The following MAN1A1 variants were observed in gnomAD, a reference collection of about 807,000 sequenced individuals.
MAN1A1 encodes the protein mannosidase alpha class 1A member 1.
In MAN1A1, 29 loss-of-function variants were observed where a neutral mutation model predicts 70.8. The ratio of observed to expected loss-of-function variants is 0.41; its 90% CI spans 0.31 to 0.56. The LOEUF (loss-of-function observed/expected upper bound fraction) is 0.56, where lower values mean the gene tolerates loss of function less well. MAN1A1 is among the 20% of genes least tolerant of loss of function. The probability of loss-of-function intolerance (pLI) is 0.29; values close to 1 mark genes in which losing one functional copy is unlikely to be tolerated. For missense variants in MAN1A1, 747 were observed against 841.3 expected, an observed-to-expected ratio of 0.89 and a Z score of 1.39; for synonymous variants, 349 against 330.1, an observed-to-expected ratio of 1.06 and a Z score of -0.62.
intron 6 of MAN1A1, among the ~76,000 whole-genome samples, chr6:119,232,351 C>A (rs371892162): frequency 1.5e-5 from 2 of 129,282 alleles, no homozygotes; most frequent in East Asian, 2.5e-4. Flanking sequence ...CCAGCCTGGA[C>A]GACAGAGCGA....
At chr6:119,252,104 G>A (rs1246104939) in intron 5 of MAN1A1, among the ~76,000 whole-genome samples, 2 of 151,874 alleles carry the variant, frequency 1.3e-5, no homozygotes, top group Non-Finnish European at 1.5e-5. Flanking sequence ...CACTAGATAC[G>A]ATCTCAACGA....
chr6:119,333,189 C>A (rs183198252), intron 2 of MAN1A1, among the ~76,000 whole-genome samples: 58 of 152,302 alleles, frequency 3.8e-4, no homozygotes, highest in African/African-American at 1.3e-3. Flanking sequence ...AGCTTTCGAG[C>A]AATTCTATTG....
intron 5 of MAN1A1, among the ~76,000 whole-genome samples, chr6:119,253,365 T>C (rs1391924551): frequency 6.6e-6 from 1 of 152,184 alleles, no homozygotes; most frequent in Admixed American, 6.5e-5. Flanking sequence ...TAGCTGGCAT[T>C]AGTCAACAGA....
intron 6 of MAN1A1, among the ~76,000 whole-genome samples, chr6:119,234,076 GTCAGCAAGTATGCT>G (rs1774769289): frequency 6.6e-6 from 1 of 152,142 alleles, no homozygotes; most frequent in Admixed American, 6.5e-5. Flanking sequence ...ACAAGTGGTT[GTCAGCAAGTATGCT>G]TCCTACCAGA....
chr6:119,272,800 C>T (rs1775960913), intron 5 of MAN1A1, among the ~76,000 whole-genome samples: 1 of 152,134 alleles, frequency 6.6e-6, no homozygotes, highest in African/African-American at 2.4e-5. Context: ...TCTTTTTGAA[C>T]TGCTTTGGAT....
At chr6:119,229,260 G>A (rs1433554767) in intron 6 of MAN1A1, among the ~76,000 whole-genome samples, 2 of 151,148 alleles carry the variant, frequency 1.3e-5, no homozygotes, top group Non-Finnish European at 2.9e-5. Flanking sequence ...ACTAATAATT[G>A]TTTTGGATAA....
chr6:119,338,650 A>C (rs974028937), intron 2 of MAN1A1, among the ~76,000 whole-genome samples: 4 of 152,232 alleles, frequency 2.6e-5, no homozygotes, highest in Admixed American at 1.3e-4. Flanking sequence ...TCATTCCAAA[A>C]GGAGAAAGAT....
rs1341568221 is a variant in MAN1A1, at chr6:119,232,717, GTA to G, written c.992+15541_992+15542del. Among the ~76,000 whole-genome samples, 217 of 129,570 alleles carry G rather than the reference GTA, an allele frequency of 1.7e-3. 2 individuals carry two copies. The highest frequency in any genetic ancestry group is 5.6e-3 in the African/African-American group (162 of 29,138). 85.0% of individuals were successfully genotyped at this position (129,570 alleles called of 152,430 possible). On this transcript the variant is annotated intron_variant, in intron 6 of 12. Transcript: ENST00000368468. Reference sequence around the variant, plus strand: ...TGTGTGTGTGTGTGTGTGTGTGTGTGTATATTTGGAAATCCTTGTAGGCTATA... The same window carrying G: ...TGTGTGTGTGTGTGTGTGTGTGTGTGTATTTGGAAATCCTTGTAGGCTATA...
intron 6 of MAN1A1, among the ~76,000 whole-genome samples, chr6:119,223,056 G>A (rs1049116172): frequency 6.6e-6 from 1 of 152,062 alleles, no homozygotes; most frequent in African/African-American, 2.4e-5. Context: ...AAAAAGGGGG[G>A]AAGGGAAGAA....
At chr6:119,231,496 C>T (rs900223158) in intron 6 of MAN1A1, among the ~76,000 whole-genome samples, 14 of 152,166 alleles carry the variant, frequency 9.2e-5, no homozygotes, top group Admixed American at 5.2e-4. Flanking sequence ...TATAAATTCC[C>T]CAGTCTTGGG....
chr6:119,229,322 C>T (rs967121312), intron 6 of MAN1A1, among the ~76,000 whole-genome samples: 3 of 152,026 alleles, frequency 2.0e-5, no homozygotes, highest in Non-Finnish European at 4.4e-5. Flanking sequence ...AATAAAGCTC[C>T]ATCCCAGAGA....
intron 2 of MAN1A1, among the ~76,000 whole-genome samples, chr6:119,342,867 A>G (rs1681156183): frequency 6.6e-6 from 1 of 152,118 alleles, no homozygotes; most frequent in African/African-American, 2.4e-5. Flanking sequence ...TCTCTGGGTG[A>G]TCCCCTTTCA....
intron 5 of MAN1A1, among the ~76,000 whole-genome samples, chr6:119,257,928 G>A (rs571154964): frequency 5.3e-5 from 8 of 152,156 alleles, no homozygotes; most frequent in South Asian, 2.1e-4. Context: ...TGGGCAAATC[G>A]CCAACATGAC....
intron 5 of MAN1A1, among the ~76,000 whole-genome samples, chr6:119,257,032 AT>A (rs912286129): frequency 6.6e-6 from 1 of 152,108 alleles, no homozygotes; most frequent in East Asian, 1.9e-4. Flanking sequence ...AACTGTGGGA[AT>A]TTTTTTTAAA....
chr6:119,250,537 T>G (rs866540213), intron 5 of MAN1A1, among the ~76,000 whole-genome samples: 8 of 152,186 alleles, frequency 5.3e-5, no homozygotes, highest in Admixed American at 2.0e-4. Context: ...AACAGGTAGT[T>G]GTAGTTTTTA....
chr6:119,189,393 C>T (rs1773378117), intron 10 of MAN1A1, among the ~76,000 whole-genome samples: 1 of 152,086 alleles, frequency 6.6e-6, no homozygotes, highest in African/African-American at 2.4e-5. Flanking sequence ...GACCCTTGCC[C>T]AATGTTATTG....
chr6:119,260,347 A>T (rs933147156), intron 5 of MAN1A1, among the ~76,000 whole-genome samples: 1 of 152,172 alleles, frequency 6.6e-6, no homozygotes, highest in African/African-American at 2.4e-5. Flanking sequence ...TATAATAAGG[A>T]TACACCAGAA....
At chr6:119,188,287 A>C in intron 11 of MAN1A1, 118 bp downstream of exon 11, 2 of 968,190 alleles carry the variant, frequency 2.1e-6, no homozygotes, top group South Asian at 1.7e-5. Context: ...TGGGTGGAAA[A>C]AATCCTGGTC....
chr6:119,286,466 T>C (rs1221841162), intron 5 of MAN1A1, among the ~76,000 whole-genome samples: 1 of 152,182 alleles, frequency 6.6e-6, no homozygotes, highest in Non-Finnish European at 1.5e-5. Flanking sequence ...GGCAGTATTA[T>C]ATTTATTGAG....
Sources: allele counts gnomAD v4.1 joint callset (sites outside exome capture counted in the v4.1 genomes callset), GRCh38; gene constraint gnomAD v4.1.1; transcripts MANE v1.5; gene names NCBI Gene and HGNC (gene_info 2026-07-23, HGNC 2026-07-21).